The following TCF20 variants were observed in gnomAD, a reference collection of about 807,000 sequenced individuals.
The protein encoded by TCF20 is transcription factor 20.
In TCF20, 3 loss-of-function variants were observed where a neutral mutation model predicts 148.6. That is an observed-to-expected ratio of 0.02 (90% CI 0.01 to 0.05). TCF20 has a LOEUF of 0.05. TCF20 is among the 10% of genes least tolerant of loss of function. TCF20 has a pLI of 1.00. For missense variants in TCF20, 2,350 were observed against 2,429.3 expected, an observed-to-expected ratio of 0.97 and a Z score of 0.69; for synonymous variants, 1,049 against 909.5, an observed-to-expected ratio of 1.15 and a Z score of -2.76.
At chr22:42,215,485 T>G in intron 1 of TCF20, 144 bp from the exon 2 acceptor site, 1 of 1,151,264 alleles carries the variant, frequency 8.7e-7, no homozygotes. Flanking sequence ...TTTTTGGTTT[T>G]TTGAGACAAG....
At position 42,212,360 on chromosome 22, in the gene TCF20, G is replaced by A; in HGVS notation, c.2946C>T (p.Asp982=). The A allele has an allele frequency of 6.2e-7, 1 of 1,614,246 alleles. No homozygotes were observed. Among genetic ancestry groups the A allele is most frequent in the African/African-American group, 1.3e-5 (1 of 75,070 alleles). The part of the protein sequence containing the change: ...HDSLSDYGPQ[D]SRPTPMRRVP... ...CCCGCCGCATTGGCGTGGGTCTGCT[G>A]TCTTGCGGGCCATAGTCTGAAAGGG... Residue 982 remains aspartate, a synonymous_variant, in exon 2 of 6, where the codon GAC becomes GAT. Transcript: ENST00000677622.
chr22:42,213,058 G>A lies in TCF20; in HGVS notation c.2248C>T (p.Pro750Ser), dbSNP rs1921190574. The A allele has an allele frequency of 1.2e-6, 2 of 1,613,940 alleles. No homozygotes were observed. Among genetic ancestry groups the A allele is most frequent in the South Asian group, 2.2e-5 (2 of 91,088 alleles). ...TGAAGCACTTCCTGCAGGAGGCTTG[G>A]GAATTTTTCATTTCTACCCTTTCGT... ...GERKGRNEKF[P>S]SLLQEVLQGY... The change falls in exon 2 of 6, where the codon CCA becomes TCA. Residue 750 changes from proline (P) to serine (S), a missense_variant. Physicochemically the swap from Pro to Ser is moderately conservative, Grantham distance 74 (BLOSUM62 -1). Transcript: ENST00000677622.
chr22:42,328,107 C>T (rs1214533260), intron 1 of TCF20, among the ~76,000 whole-genome samples: 4 of 152,146 alleles, frequency 2.6e-5, no homozygotes, highest in Non-Finnish European at 5.9e-5. Flanking sequence ...TGGGTCAGGG[C>T]TTGTCTTCTC....
intron 1 of TCF20, among the ~76,000 whole-genome samples, chr22:42,263,863 G>C (rs1348471048): frequency 2.0e-5 from 3 of 152,140 alleles, no homozygotes; most frequent in South Asian, 2.1e-4. Context: ...AAGAGCGTGG[G>C]GCATAGATGG....
At position 42,204,830 on chromosome 22, in the gene TCF20, C is replaced by G. The variant is rs540474676; in HGVS notation, c.5655+4821G>C. On this transcript the variant is annotated intron_variant, in intron 2 of 5. Coordinates refer to ENST00000677622, the MANE Select transcript of TCF20 (RefSeq NM_001378418.1). ...ACTGCACTCCAGCCTGGCAACAGAG[C>G]AAGACTCATCTCAAAATAAAAATAA... 3.3e-5 allele frequency among the ~76,000 whole-genome samples: 5 copies of G among 152,056 alleles called. 1 individual carries two copies. Among genetic ancestry groups the G allele is most frequent in the African/African-American group, 1.2e-4 (5 of 41,460 alleles).
intron 2 of TCF20, among the ~76,000 whole-genome samples, chr22:42,193,657 G>A (rs1937453309): frequency 6.6e-6 from 1 of 152,106 alleles, no homozygotes; most frequent in Non-Finnish European, 1.5e-5. Flanking sequence ...TGTTAGGACA[G>A]ATTTCATTTA....
intron 2 of TCF20, among the ~76,000 whole-genome samples, chr22:42,198,749 C>T (rs1937764560): frequency 1.3e-5 from 2 of 151,722 alleles, no homozygotes; most frequent in African/African-American, 4.8e-5. Flanking sequence ...GCAAGCTCCG[C>T]CTCCTGGGTT....
intron 2 of TCF20, among the ~76,000 whole-genome samples, chr22:42,193,662 C>A (rs1937454164): frequency 6.6e-6 from 1 of 152,146 alleles, no homozygotes; most frequent in Non-Finnish European, 1.5e-5. Flanking sequence ...GGACAGATTT[C>A]ATTTATCCAA....
intron 5 of TCF20, among the ~76,000 whole-genome samples, chr22:42,162,663 A>G (rs1404057235): frequency 1.3e-5 from 2 of 152,224 alleles, no homozygotes; most frequent in Admixed American, 6.5e-5. Flanking sequence ...ACTGTGCTTA[A>G]GACTGTCACT....
intron 1 of TCF20, among the ~76,000 whole-genome samples, chr22:42,303,427 C>T (rs538241517): frequency 2.0e-4 from 31 of 152,382 alleles, no homozygotes; most frequent in African/African-American, 6.0e-4. Context: ...TCCGAGCGTT[C>T]GCTCGGTGCA....
rs1229652991 is a variant in TCF20 at position 42,178,481 on chromosome 22, T to A, written c.5749+1128A>T. 7.2e-5 allele frequency among the ~76,000 whole-genome samples: 11 copies of A among 151,806 alleles called. No individual in the cohort carries two copies. In the South Asian group the frequency reaches 2.3e-3, roughly 32 times the overall value. ...TATAGGACACCCAGTTGGTGTCCAA[T>A]GGTGAATTACCTGTGTGATGCTATC... On this transcript the variant is annotated intron_variant, in intron 3 of 5. Coordinates refer to ENST00000677622, the MANE Select transcript of TCF20 (RefSeq NM_001378418.1).
Position 42,209,821 on chromosome 22 carries a change from G to C in TCF20, c.5485C>G (p.Pro1829Ala). The C allele has an allele frequency of 6.2e-7, 1 of 1,614,224 alleles. No individual in the cohort carries two copies. The highest frequency in any genetic ancestry group is 2.2e-5 in the East Asian group (1 of 44,880). The stretch of plus-strand genomic sequence containing the variant: ...TCAGGGCCACCTTCTGAAGTGGTGG[G>C]CACGGAGGGCTTCGAGTCCAAAACA... ...KTVLDSKPSV[P>A]TTSEGGPELE... is the part of the protein sequence containing the mutation. The change falls in exon 2 of 6, where the codon CCC (proline) becomes GCC (alanine). Residue 1829 changes from proline (P) to alanine (A), a missense_variant. By Grantham distance (27) the Pro-to-Ala change is conservative. Around this residue, in one of 7 missense-constraint regions of TCF20, gnomAD observed 374 missense variants for 398.3 expected, o/e 0.94. Transcript: ENST00000677622.
At position 42,213,795 on chromosome 22, in the gene TCF20, G is replaced by A. The variant is rs1326772501; in HGVS notation, c.1511C>T (p.Ser504Phe). 14 of 1,614,128 alleles carry A rather than the reference G, an allele frequency of 8.7e-6. No individual in the cohort carries two copies. Among genetic ancestry groups the A allele is most frequent in the South Asian group, 1.1e-5 (1 of 91,066 alleles). Residue 504 changes from serine to phenylalanine, a missense_variant, in exon 2 of 6, where the codon TCC becomes TTC. Ser to Phe is a radical substitution (Grantham distance 155). Coordinates refer to ENST00000677622, the MANE Select transcript of TCF20 (RefSeq NM_001378418.1). ...CTTCAGCTGTTCTTCAGGTTGTGAG[G>A]AGCCTTCAGAATTTGTGCAGCTATC... is the stretch of plus-strand genomic sequence containing the variant. ...KADSCTNSEG[S>F]SQPEEQLKSP...
At chr22:42,327,594 C>CAGG (rs1362499588) in intron 1 of TCF20, among the ~76,000 whole-genome samples, 1 of 152,054 alleles carries the variant, frequency 6.6e-6, no homozygotes, top group Non-Finnish European at 1.5e-5. Flanking sequence ...TCCTCACATG[C>CAGG]AGGCTTTGAT....
intron 3 of TCF20, among the ~76,000 whole-genome samples, chr22:42,175,866 G>A (rs2147080794): frequency 1.3e-5 from 2 of 152,188 alleles, no homozygotes; most frequent in South Asian, 4.2e-4. Flanking sequence ...GGAGTGCAGT[G>A]GCCCAACTGA....
chr22:42,215,852 G>T (rs1331966451), intron 1 of TCF20, among the ~76,000 whole-genome samples: 1 of 152,060 alleles, frequency 6.6e-6, no homozygotes, highest in African/African-American at 2.4e-5. Context: ...AGTGAGGCAA[G>T]AATCTGTAGT....
upstream of TCF20, among the ~76,000 whole-genome samples, chr22:42,271,823 G>A (rs750902748): frequency 2.6e-5 from 4 of 152,184 alleles, no homozygotes; most frequent in Non-Finnish European, 4.4e-5. Context: ...GCAGCAGGTG[G>A]GGATTGTCAG....
chr22:42,286,207 G>A (rs1292665499), upstream of TCF20, among the ~76,000 whole-genome samples: 2 of 152,182 alleles, frequency 1.3e-5, no homozygotes, highest in Non-Finnish European at 2.9e-5. Flanking sequence ...CTCCCAGTGG[G>A]GCTTTGAGAT....
chr22:42,286,300 A>C (rs1466411721), upstream of TCF20, among the ~76,000 whole-genome samples: 1 of 152,132 alleles, frequency 6.6e-6, no homozygotes, highest in Non-Finnish European at 1.5e-5. Context: ...GCCCTGAGGA[A>C]CCTAGGCAGG....
Sources: allele counts gnomAD v4.1 joint callset (sites outside exome capture counted in the v4.1 genomes callset), GRCh38; gene constraint gnomAD v4.1.1; regional missense constraint gnomAD v4.1.1; transcripts MANE v1.5; gene names NCBI Gene and HGNC (gene_info 2026-07-23, HGNC 2026-07-21).